ST3GAL3: variants seen among roughly 807,000 people sequenced by gnomAD.
ST3GAL3 encodes the protein CMP-N-acetylneuraminate-beta-1,4-galactoside alpha-2,3-sialyltransferase.
ST3GAL3 carries 21 observed loss-of-function variants against 50.1 expected under a neutral mutation model. That is an observed-to-expected ratio of 0.42 (90% CI 0.30 to 0.60). ST3GAL3 has a LOEUF of 0.60. Ranked by LOEUF, ST3GAL3 falls within the 20% of genes least tolerant of loss-of-function variation. ST3GAL3 has a pLI of 0.19. For missense variants in ST3GAL3, 353 were observed against 489.4 expected, an observed-to-expected ratio of 0.72 and a Z score of 2.63; for synonymous variants, 183 against 190.0, an observed-to-expected ratio of 0.96 and a Z score of 0.30.
At chr1:43,778,982 A>G (rs1400437515) in intron 2 of ST3GAL3, among the ~76,000 whole-genome samples, 8 of 144,798 alleles carry the variant, frequency 5.5e-5, no homozygotes, top group Non-Finnish European at 1.1e-4. Context: ...TGCTCTTGTC[A>G]TCCAGGCTGG....
At chr1:43,788,369 C>T (rs1215159226) in intron 2 of ST3GAL3, among the ~76,000 whole-genome samples, 2 of 152,198 alleles carry the variant, frequency 1.3e-5, no homozygotes, top group African/African-American at 4.8e-5. Flanking sequence ...TATTGTTGCT[C>T]ATCCGGGCAG....
At chr1:43,804,873 C>T (rs1206908186) in intron 3 of ST3GAL3, among the ~76,000 whole-genome samples, 3 of 152,156 alleles carry the variant, frequency 2.0e-5, no homozygotes, top group Admixed American at 6.5e-5. Flanking sequence ...ACCAGCACTG[C>T]CCCCTCACTG....
intron 5 of ST3GAL3, chr1:43,842,797 CA>C (rs71036642): frequency 0.56 from 57,598 of 103,244 alleles, 14,472 homozygotes; most frequent in Non-Finnish European, 0.61. Flanking sequence ...GACTCCATCT[CA>C]AAAAAAAAAA....
chr1:43,851,393 G>C (rs2067276215), intron 5 of ST3GAL3: 4 of 1,608,542 alleles, frequency 2.5e-6, no homozygotes, highest in Non-Finnish European at 3.4e-6. Context: ...AGCAAGGCTG[G>C]ACGTTGACCC....
Position 43,775,846 on chromosome 1 carries a change from T to A in ST3GAL3, c.119-16256T>A, listed in dbSNP as rs139156557. ...CAATATAATATTAAGTAATAAATAA[T>A]TATGACTTTCACTGATCTTCCTTCC... On this transcript the variant is annotated intron_variant, in intron 2 of 11. Coordinates refer to ENST00000347631, the MANE Select transcript of ST3GAL3 (RefSeq NM_006279.5). 4.7e-3 allele frequency among the ~76,000 whole-genome samples: 721 copies of A among 152,174 alleles called. 7 individuals carry two copies. Among genetic ancestry groups the A allele is most frequent in the African/African-American group, 0.016 (679 of 41,488 alleles).
At position 43,816,307 on chromosome 1, in the gene ST3GAL3, C is replaced by T. The variant is rs72637954; in HGVS notation, c.209+1374C>T. On this transcript the variant is annotated intron_variant, in intron 4 of 11. Transcript: ENST00000347631. ...GCGTCTGGCTTCTTGGCTCTGGTGC[C>T]TCATACTATGAGTTCAGGCATTGTA... Among the ~76,000 whole-genome samples, 115 of 152,238 alleles carry T rather than the reference C, an allele frequency of 7.6e-4. 1 individual carries two copies. In the East Asian group the frequency reaches 0.02, roughly 27 times the overall value.
At chr1:43,787,998 C>G (rs1255778839) in intron 2 of ST3GAL3, among the ~76,000 whole-genome samples, 2 of 152,156 alleles carry the variant, frequency 1.3e-5, no homozygotes, top group African/African-American at 4.8e-5. Flanking sequence ...AACCTGCCAT[C>G]CTTTGGCATT....
At chr1:43,924,072 G>A (rs1045020417) in intron 11 of ST3GAL3, among the ~76,000 whole-genome samples, 2 of 152,252 alleles carry the variant, frequency 1.3e-5, no homozygotes, top group East Asian at 1.9e-4. Context: ...TCTACAGCAG[G>A]TTTATTCCAA....
chr1:43,896,420 C>T (rs1354932747), intron 6 of ST3GAL3, among the ~76,000 whole-genome samples: 1 of 152,194 alleles, frequency 6.6e-6, no homozygotes, highest in Non-Finnish European at 1.5e-5. Flanking sequence ...ACCTTCTACC[C>T]AGCTGAAGAA....
At chr1:43,896,985 T>A (rs1175260578) in intron 6 of ST3GAL3, among the ~76,000 whole-genome samples, 1 of 152,220 alleles carries the variant, frequency 6.6e-6, no homozygotes, top group Non-Finnish European at 1.5e-5. Flanking sequence ...CATATTTTTT[T>A]AATGTGTTTT....
At chr1:43,813,915 A>ACG (rs1257329895) in intron 3 of ST3GAL3, among the ~76,000 whole-genome samples, 2 of 151,354 alleles carry the variant, frequency 1.3e-5, no homozygotes, top group African/African-American at 4.9e-5. Flanking sequence ...ACACACACAC[A>ACG]CACACACACA....
intron 9 of ST3GAL3, among the ~76,000 whole-genome samples, chr1:43,910,545 T>G (rs559913048): frequency 1.3e-5 from 2 of 152,246 alleles, no homozygotes; most frequent in Non-Finnish European, 2.9e-5. Flanking sequence ...TTCTGAGAAG[T>G]GAGAATGGGC....
intron 1 of ST3GAL3, among the ~76,000 whole-genome samples, chr1:43,730,523 GTTTCTGATTTCTT>G (rs11275853): frequency 0.25 from 37,316 of 148,796 alleles, 4,892 homozygotes; most frequent in Middle Eastern, 0.3. Context: ...AGAAATACAA[GTTTCTGATTTCTT>G]TTTCTTTTCT....
At chr1:43,814,503 G>A (rs1361952319) in intron 3 of ST3GAL3, among the ~76,000 whole-genome samples, 3 of 152,202 alleles carry the variant, frequency 2.0e-5, no homozygotes, top group Non-Finnish European at 4.4e-5. Flanking sequence ...CATGGCTAAG[G>A]TGGCTGATTC....
At chr1:43,798,107 G>T (rs2058892364) in intron 3 of ST3GAL3, among the ~76,000 whole-genome samples, 1 of 152,042 alleles carries the variant, frequency 6.6e-6, no homozygotes, top group South Asian at 2.1e-4. Flanking sequence ...GAAAGTTCAG[G>T]CTGCAAACCT....
chr1:43,872,729 A>G (rs1425318912), intron 5 of ST3GAL3, among the ~76,000 whole-genome samples: 1 of 152,216 alleles, frequency 6.6e-6, no homozygotes, highest in East Asian at 1.9e-4. Flanking sequence ...TCTAGTGGGA[A>G]GCAGGCAAAG....
intron 9 of ST3GAL3, chr1:43,913,194 C>A (rs1175869174): frequency 6.6e-6 from 1 of 152,220 alleles, no homozygotes; most frequent in East Asian, 1.9e-4. Flanking sequence ...TCCGGCCTCT[C>A]CGGTGGCTGA....
chr1:43,894,903 T>C (rs2077181726), intron 6 of ST3GAL3, among the ~76,000 whole-genome samples: 1 of 152,148 alleles, frequency 6.6e-6, no homozygotes, highest in African/African-American at 2.4e-5. Flanking sequence ...GTTACAGGCA[T>C]GAGCCACCAT....
intron 3 of ST3GAL3, among the ~76,000 whole-genome samples, chr1:43,793,716 A>G (rs2058359206): frequency 6.6e-6 from 1 of 152,240 alleles, no homozygotes; most frequent in African/African-American, 2.4e-5. Context: ...CTATTTGTAT[A>G]GTAAAAGATT....
Sources: allele counts gnomAD v4.1 joint callset (sites outside exome capture counted in the v4.1 genomes callset), GRCh38; gene constraint gnomAD v4.1.1; transcripts MANE v1.5; gene names NCBI Gene and HGNC (gene_info 2026-07-23, HGNC 2026-07-21).